Variants in LRRC4C observed in about 807,000 individuals in gnomAD.
LRRC4C encodes the protein leucine-rich repeat-containing protein 4C.
Under a neutral mutation model 33.6 loss-of-function variants are expected in LRRC4C, and 5 were observed. The ratio of observed to expected loss-of-function variants is 0.15; its 90% CI spans 0.08 to 0.31. LRRC4C has a LOEUF of 0.31. Among genes scored for constraint, LRRC4C ranks in the 10% least tolerant of loss-of-function variants. The pLI, the probability that LRRC4C is intolerant of heterozygous loss-of-function variation, is 1.00. For missense variants in LRRC4C, 560 were observed against 796.7 expected, an observed-to-expected ratio of 0.70 and a Z score of 3.58; for synonymous variants, 329 against 302.0, an observed-to-expected ratio of 1.09 and a Z score of -0.93.
intron 3 of LRRC4C, among the ~76,000 whole-genome samples, chr11:40,329,076 G>C (rs1463730629): frequency 6.6e-6 from 1 of 152,188 alleles, no homozygotes; most frequent in East Asian, 1.9e-4. Flanking sequence ...TAGGCTTAGT[G>C]CAAATAGACC....
At chr11:40,638,946 A>G (rs926874224) in intron 3 of LRRC4C, among the ~76,000 whole-genome samples, 1 of 152,076 alleles carries the variant, frequency 6.6e-6, no homozygotes, top group Non-Finnish European at 1.5e-5. Flanking sequence ...AGTGGCCAAG[A>G]ATATGGATTC....
chr11:40,208,639 AG>A (rs1423768309), intron 5 of LRRC4C, among the ~76,000 whole-genome samples: 2 of 152,202 alleles, frequency 1.3e-5, no homozygotes, highest in East Asian at 3.9e-4. Flanking sequence ...TATCCCTGTT[AG>A]TATGAATATT....
intron 3 of LRRC4C, among the ~76,000 whole-genome samples, chr11:40,572,434 T>C (rs1958020442): frequency 6.6e-6 from 1 of 152,166 alleles, no homozygotes; most frequent in Admixed American, 6.5e-5. Context: ...AGCTCATCGA[T>C]GAGTACATGT....
chr11:40,241,321 G>C (rs910085113), intron 5 of LRRC4C, among the ~76,000 whole-genome samples, 198 bp downstream of exon 5: 1 of 152,152 alleles, frequency 6.6e-6, no homozygotes, highest in Middle Eastern at 3.2e-3. Flanking sequence ...GCTGGAGACT[G>C]CAGTGAGCTA....
intron 1 of LRRC4C, among the ~76,000 whole-genome samples, chr11:41,007,683 T>A (rs571091709): frequency 6.6e-6 from 1 of 152,278 alleles, no homozygotes; most frequent in South Asian, 2.1e-4. Flanking sequence ...AAAAAGGCTT[T>A]CTAAATAGAT....
In LRRC4C at chr11:40,903,426, C is replaced by A. The variant is rs562042021; in HGVS notation, c.-407+30209G>T. ...ACCTGCTAACACATCATCCATTCTG[C>A]AACCCATAGATGAAGGAATACTTTT... On this transcript the variant is annotated intron_variant, in intron 2 of 6. Transcript: ENST00000528697. 1.2e-4 allele frequency among the ~76,000 whole-genome samples: 18 copies of A among 152,302 alleles called. No individual in the cohort carries two copies. The East Asian group carries it at 3.3e-3, about 28-fold the overall frequency.
rs116546777 is a variant in LRRC4C at position 40,814,409 on chromosome 11, A to G, written c.-407+119226T>C. On this transcript the variant is annotated intron_variant, in intron 2 of 6. Transcript: ENST00000528697. Reference sequence around the variant, plus strand: ...GCAGGGCACCAAGTCCCTACACTGCACACAGTAGGGGGACCCTGGACTTGA... The same window carrying G: ...GCAGGGCACCAAGTCCCTACACTGCGCACAGTAGGGGGACCCTGGACTTGA... 4.6e-3 allele frequency among the ~76,000 whole-genome samples: 698 copies of G among 152,174 alleles called. 3 individuals carry two copies. Among genetic ancestry groups the G allele is most frequent in the African/African-American group, 0.016 (661 of 41,528 alleles).
At chr11:41,180,930 C>G (rs1161290124) in intron 1 of LRRC4C, among the ~76,000 whole-genome samples, 4 of 151,972 alleles carry the variant, frequency 2.6e-5, no homozygotes, top group Non-Finnish European at 5.9e-5. Flanking sequence ...ATGGTTAGAT[C>G]TTAGCGCACA....
intron 4 of LRRC4C, among the ~76,000 whole-genome samples, chr11:40,283,446 T>C (rs1174528766): frequency 1.3e-5 from 2 of 152,116 alleles, no homozygotes; most frequent in African/African-American, 4.8e-5. Context: ...TGCAATGTTT[T>C]ATTATGCAAA....
At chr11:40,802,344 TA>T (rs1198341413) in intron 2 of LRRC4C, among the ~76,000 whole-genome samples, 1 of 151,510 alleles carries the variant, frequency 6.6e-6, no homozygotes, top group African/African-American at 2.4e-5. Context: ...ATGGTAATTT[TA>T]AAAAAAAACA....
At chr11:40,593,657 T>G (rs1482952868) in intron 3 of LRRC4C, among the ~76,000 whole-genome samples, 1 of 152,164 alleles carries the variant, frequency 6.6e-6, no homozygotes, top group Non-Finnish European at 1.5e-5. Context: ...TAGAACTCAG[T>G]TTTTCCATCT....
intron 2 of LRRC4C, among the ~76,000 whole-genome samples, chr11:40,921,357 G>A (rs575700806): frequency 6.6e-6 from 1 of 152,312 alleles, no homozygotes; most frequent in Middle Eastern, 3.4e-3. Context: ...GAGGAGGCCA[G>A]GGACCAAGGA....
intron 5 of LRRC4C, among the ~76,000 whole-genome samples, chr11:40,196,866 T>A (rs1454688719): frequency 2.6e-5 from 4 of 152,210 alleles, no homozygotes; most frequent in African/African-American, 9.7e-5. Context: ...GCTCAAGTTA[T>A]AACTTACCCA....
chr11:40,739,023 GTGTGTA>G (rs1400624903), intron 2 of LRRC4C, among the ~76,000 whole-genome samples: 241 of 55,544 alleles, frequency 4.3e-3, no homozygotes, highest in African/African-American at 0.013. Flanking sequence ...GTGTGTGTGT[GTGTGTA>G]TGTGTGTGTG....
chr11:40,787,261 T>TGG lies in LRRC4C; in HGVS notation c.-406-138985_-406-138984dup, dbSNP rs150684994. 2.0e-3 allele frequency among the ~76,000 whole-genome samples: 300 copies of TGG among 150,354 alleles called. 2 individuals carry two copies. The highest frequency in any genetic ancestry group is 6.9e-3 in the African/African-American group (280 of 40,794). Reference sequence around the variant, plus strand: ...ACACATTGTTCTGTTAATTGCCAACTGGGGGGGGTAGGGGGAGGAACAGAG... The same window carrying TGG: ...ACACATTGTTCTGTTAATTGCCAACTGGGGGGGGGGTAGGGGGAGGAACAGAG... On this transcript the variant is annotated intron_variant, in intron 2 of 6. Transcript: ENST00000528697.
intron 1 of LRRC4C, among the ~76,000 whole-genome samples, chr11:40,964,506 G>T (rs1013996188): frequency 2.0e-5 from 3 of 149,080 alleles, no homozygotes; most frequent in Non-Finnish European, 4.5e-5. Flanking sequence ...ATCTCCTAAT[G>T]CTATCCCTTC....
chr11:40,432,358 C>T (rs1035510793), intron 3 of LRRC4C, among the ~76,000 whole-genome samples: 1 of 152,144 alleles, frequency 6.6e-6, no homozygotes, highest in African/African-American at 2.4e-5. Flanking sequence ...ACTGGTTACT[C>T]ACAGTATATA....
intron 1 of LRRC4C, among the ~76,000 whole-genome samples, chr11:40,937,544 C>A (rs1235671707): frequency 6.6e-6 from 1 of 151,508 alleles, no homozygotes; most frequent in Non-Finnish European, 1.5e-5. Flanking sequence ...TGTTGCATAA[C>A]TCTTCAGTTG....
chr11:41,229,280 T>C (rs187563714), intron 1 of LRRC4C, among the ~76,000 whole-genome samples: 2 of 152,224 alleles, frequency 1.3e-5, no homozygotes, highest in African/African-American at 4.8e-5. Flanking sequence ...AAGGCAACTA[T>C]CTGCAAGCCA....
Sources: gnomAD v4.1 joint callset for allele counts (sites outside exome capture counted in the v4.1 genomes callset) on GRCh38, gnomAD v4.1.1 for gene constraint, MANE v1.5 for transcripts, NCBI Gene and HGNC (gene_info 2026-07-23, HGNC 2026-07-21) for gene names.